PTGES2: variants seen among roughly 807,000 people sequenced by gnomAD.
The protein encoded by PTGES2 is prostaglandin E synthase 2, also known as GATE-binding factor 1.
In PTGES2, 35 loss-of-function variants were observed where a neutral mutation model predicts 44.5. The observed-to-expected ratio is 0.79, with a 90% CI of 0.60 to 1.04. PTGES2 has a LOEUF of 1.04. Ranked by LOEUF, PTGES2 falls within the 50% of genes least tolerant of loss-of-function variation. The pLI is 0.00. For synonymous variants in PTGES2, 221 were observed against 227.5 expected (o/e 0.97, Z 0.26); for missense variants, 517 against 521.4 (o/e 0.99, Z 0.08).
upstream of PTGES2, chr9:128,128,334 T>A (rs1834733305): frequency 4.4e-6 from 2 of 455,604 alleles, no homozygotes; most frequent in Non-Finnish European, 8.8e-6. Flanking sequence ...AGGGAGAGGA[T>A]GGCAAAGTGG....
rs201238358 is a variant in PTGES2, at chr9:128,121,137, G to A, written c.*8C>T. The A allele has an allele frequency of 4.9e-5, 77 of 1,579,998 alleles. No individual in the cohort carries two copies. The highest frequency in any genetic ancestry group is 3.2e-4 in the African/African-American group (24 of 74,336). On this transcript the variant is annotated 3_prime_UTR_variant, in exon 7 of 7. Transcript: ENST00000338961. ...CCGCTGCCTTCCCTCTGCTCTGCGC[G>A]GGGACATTCAGTGCGCTGGGGAGGC...
At position 128,120,969 on chromosome 9, in the gene PTGES2, C is replaced by A; in HGVS notation, c.*176G>T. 2.5e-6 allele frequency: 2 copies of A among 801,636 alleles called. No homozygotes were observed. The highest frequency in any genetic ancestry group is 1.8e-5 in the South Asian group (1 of 54,466). 49.7% of individuals were successfully genotyped at this position (801,636 alleles called of 1,614,324 possible). A position where few individuals can be genotyped will look rare whatever the true frequency, so the allele number is the denominator to read the frequency against. Reference sequence around the variant, plus strand: ...TGGCAGGGCTGGAACTCGTCCCTAACATCCCTGAGCCCCAGCAGGTGCCCT... The same window carrying A: ...TGGCAGGGCTGGAACTCGTCCCTAAAATCCCTGAGCCCCAGCAGGTGCCCT... On this transcript the variant is annotated 3_prime_UTR_variant, in exon 7 of 7. Coordinates refer to ENST00000338961, the MANE Select transcript of PTGES2 (RefSeq NM_025072.7).
At chr9:128,125,145 A>AAGGACTTCC in intron 2 of PTGES2, 99 bp downstream of exon 2, 1 of 1,122,884 alleles carries the variant, frequency 8.9e-7, no homozygotes, top group Non-Finnish European at 1.3e-6. Context: ...CACAAGGATC[A>AAGGACTTCC]CAAGTTCCTT....
chr9:128,124,551 CTG>C lies in PTGES2; in HGVS notation c.478-3_478-2del. The C allele has an allele frequency of 6.2e-7, 1 of 1,613,194 alleles. No individual in the cohort carries two copies. The highest frequency in any genetic ancestry group is 2.2e-5 in the East Asian group (1 of 44,838). On this transcript the variant is annotated splice_acceptor_variant and splice_polypyrimidine_tract_variant and intron_variant, in intron 2 of 6. Coordinates refer to ENST00000338961, the MANE Select transcript of PTGES2 (RefSeq NM_025072.7). LOFTEE classifies it high-confidence loss of function. ...TGACAGAGGAGTCATTTAGTTGTTG[CTG>C]GAAGAGAAAAGGGTGGTTTAATCAG... is the stretch of plus-strand genomic sequence containing the variant.
In PTGES2 at chr9:128,121,138, G is replaced by A. The variant is rs1300120186; in HGVS notation, c.*7C>T. On this transcript the variant is annotated 3_prime_UTR_variant, in exon 7 of 7. Transcript: ENST00000338961. Reference sequence around the variant, plus strand: ...CGCTGCCTTCCCTCTGCTCTGCGCGGGGACATTCAGTGCGCTGGGGAGGCC... The same window carrying A: ...CGCTGCCTTCCCTCTGCTCTGCGCGAGGACATTCAGTGCGCTGGGGAGGCC... 1.9e-6 allele frequency: 3 copies of A among 1,580,700 alleles called. No individual in the cohort carries two copies.
chr9:128,128,116 A>C (rs781507777), upstream of PTGES2: 3 of 367,118 alleles, frequency 8.2e-6, no homozygotes, highest in Non-Finnish European at 1.6e-5. Flanking sequence ...GAGTCAGTAC[A>C]GGCGCCGCGA....
chr9:128,121,229 G>A lies in PTGES2; in HGVS notation c.1050C>T (p.Phe350=), dbSNP rs757949315. ...VLRVMEGLDA[F]DDLMQHTHIQ... ...TGTGCGTGTGCTGCATCAGGTCATC[G>A]AACGCATCCAGCCCCTCCATCACAC... is the stretch of plus-strand genomic sequence containing the variant. The change falls in exon 7 of 7, where the codon TTC becomes TTT. Residue 350 remains phenylalanine, a synonymous_variant. Transcript: ENST00000338961. 21 of 1,606,204 alleles carry A rather than the reference G, an allele frequency of 1.3e-5. No homozygotes were observed. The highest frequency in any genetic ancestry group is 6.7e-5 in the South Asian group (6 of 89,594).
intron 1 of PTGES2, among the ~76,000 whole-genome samples, chr9:128,126,441 C>A (rs1035314650): frequency 2.1e-4 from 32 of 152,298 alleles, no homozygotes; most frequent in African/African-American, 7.2e-4. Context: ...ACCACCACTA[C>A]TACTAAATAA....
At position 128,123,060 on chromosome 9, in the gene PTGES2, G is replaced by A. The variant is rs750304994; in HGVS notation, c.761C>T (p.Pro254Leu). The A allele has an allele frequency of 6.2e-7, 1 of 1,613,398 alleles. No homozygotes were observed. The highest frequency in any genetic ancestry group is 1.7e-5 in the Admixed American group (1 of 60,028). ...GTCAAAGGACGCCAGAGCCTCGGTG[G>A]GCGTGCGGTACACATTGGGGGAGAT... ...HLISPNVYRT[P>L]TEALASFDYI... The change falls in exon 5 of 7, where the codon CCC becomes CTC. Residue 254 changes from proline (P) to leucine (L), a missense_variant. Coordinates refer to ENST00000338961, the MANE Select transcript of PTGES2 (RefSeq NM_025072.7). This position sits in a 1 kb window ranked among gnomAD's most constrained non-coding sequence, Gnocchi z 4.4.
upstream of PTGES2, chr9:128,128,077 C>T (rs1834714893): frequency 2.8e-6 from 1 of 357,998 alleles, no homozygotes; most frequent in African/African-American, 2.2e-5. Flanking sequence ...CTTACGGGCG[C>T]CCATTCAAAA....
At chr9:128,122,287 C>T (rs1302389596) in intron 6 of PTGES2, 75 bp downstream of exon 6, 6 of 1,193,694 alleles carry the variant, frequency 5.0e-6, no homozygotes, top group Admixed American at 1.9e-5. Flanking sequence ...ACCGTCCAGG[C>T]TTTCCCTTGC....
rs551968693 is a variant in PTGES2, at chr9:128,120,759, G to A, written c.*386C>T. ...TTTATTGCAAACATGTCCCAGTCCC[G>A]GGAGGCTTGGGAAGAGTGGGAACCA... On this transcript the variant is annotated 3_prime_UTR_variant, in exon 7 of 7. Coordinates refer to ENST00000338961, the MANE Select transcript of PTGES2 (RefSeq NM_025072.7). 21 of 208,946 alleles carry A rather than the reference G, an allele frequency of 1.0e-4. No homozygotes were observed. Among genetic ancestry groups the A allele is most frequent in the African/African-American group, 3.7e-4 (16 of 42,962 alleles). 12.9% of individuals were successfully genotyped at this position (208,946 alleles called of 1,614,324 possible).
chr9:128,121,399 G>A, intron 6 of PTGES2, 126 bp from the exon 7 acceptor site: 2 of 1,196,786 alleles, frequency 1.7e-6, no homozygotes, highest in South Asian at 3.0e-5. Flanking sequence ...CCCACTCAAG[G>A]GCCAACAGCA....
At chr9:128,125,103 T>A (rs1834567320) in intron 2 of PTGES2, 141 bp downstream of exon 2, 3 of 804,714 alleles carry the variant, frequency 3.7e-6, no homozygotes, top group Non-Finnish European at 3.9e-6. Context: ...GCATCTACCG[T>A]ATGCAGCTAC....
rs1588069403 is a variant in PTGES2, at chr9:128,122,914, G to C, written c.887+20C>G. 6.2e-7 allele frequency: 1 copy of C among 1,611,526 alleles called. No homozygotes were observed. The highest frequency in any genetic ancestry group is 8.5e-7 in the Non-Finnish European group (1 of 1,178,994). ...CGGAGGCTCGGGGACAGCAGGCCCCGGATGTGCACACACACTTGCCTGCTC... is the reference window on the plus strand; with the variant it reads ...CGGAGGCTCGGGGACAGCAGGCCCCCGATGTGCACACACACTTGCCTGCTC... On this transcript the variant is annotated intron_variant, in intron 5 of 6. Coordinates refer to ENST00000338961, the MANE Select transcript of PTGES2 (RefSeq NM_025072.7).
At chr9:128,128,170 A>AGGTGTGCGGC (rs1554745218), upstream of PTGES2, 6 of 362,904 alleles carry the variant, frequency 1.7e-5, no homozygotes, top group Non-Finnish European at 2.7e-5. Flanking sequence ...ACCCGGCACC[A>AGGTGTGCGGC]GGTGTTGCGG....
At chr9:128,122,527 C>T in intron 5 of PTGES2, 48 bp from the exon 6 acceptor site, 1 of 1,523,816 alleles carries the variant, frequency 6.6e-7, no homozygotes, top group Non-Finnish European at 9.1e-7. Context: ...CACTCCCAGC[C>T]CAGCAGGGAA....
At chr9:128,127,288 A>T in intron 1 of PTGES2, 151 bp downstream of exon 1, 1 of 553,366 alleles carries the variant, frequency 1.8e-6, no homozygotes, top group Non-Finnish European at 2.6e-6. Flanking sequence ...CCTATTTTAC[A>T]CAAAAGAATA....
At chr9:128,128,058 C>T (rs1443380775), upstream of PTGES2, 11 of 380,040 alleles carry the variant, frequency 2.9e-5, no homozygotes, top group South Asian at 1.2e-4. Flanking sequence ...CACGTACTTG[C>T]CCACCTCTCT....
Sources: gnomAD v4.1 joint callset for allele counts (sites outside exome capture counted in the v4.1 genomes callset) on GRCh38, gnomAD v4.1.1 for gene constraint, Gnocchi (gnomAD v3.1) non-coding constraint, MANE v1.5 for transcripts, NCBI Gene and HGNC (gene_info 2026-07-23, HGNC 2026-07-21) for gene names.